The following ZFHX3 variants were observed in gnomAD, a reference collection of about 807,000 sequenced individuals.
ZFHX3 encodes the protein zinc finger homeobox 3.
Under a neutral mutation model 279.1 loss-of-function variants are expected in ZFHX3, and 42 were observed. That is an observed-to-expected ratio of 0.15 (90% CI 0.12 to 0.19). The LOEUF (loss-of-function observed/expected upper bound fraction) is 0.19. Among genes scored for constraint, ZFHX3 ranks in the 10% least tolerant of loss-of-function variants. The pLI is 1.00. For missense variants in ZFHX3, 4,981 were observed against 4,754.0 expected (o/e 1.05, Z -1.40); for synonymous variants, 2,293 against 1,957.8 (o/e 1.17, Z -4.52).
intron 2 of ZFHX3, among the ~76,000 whole-genome samples, chr16:73,638,088 TACA>T (rs1472901648): frequency 3.3e-5 from 5 of 152,182 alleles, no homozygotes; most frequent in African/African-American, 1.2e-4. Context: ...TAAATTTATA[TACA>T]ACATCCTGAG....
At chr16:73,186,085 C>A (rs1045404513) in intron 5 of ZFHX3, among the ~76,000 whole-genome samples, 1 of 152,038 alleles carries the variant, frequency 6.6e-6, no homozygotes, top group Non-Finnish European at 1.5e-5. Context: ...TCTCCCATCA[C>A]CCCCACATGG....
At chr16:73,864,860 T>G (rs188121841) in intron 1 of ZFHX3, among the ~76,000 whole-genome samples, 1 of 152,366 alleles carries the variant, frequency 6.6e-6, no homozygotes, top group East Asian at 1.9e-4. Context: ...ACATACTCAT[T>G]GCAGCTCCTG....
chr16:73,841,521 C>A (rs1181560927), intron 1 of ZFHX3, among the ~76,000 whole-genome samples: 1 of 152,100 alleles, frequency 6.6e-6, no homozygotes, highest in Non-Finnish European at 1.5e-5. Flanking sequence ...CATCTCGGAA[C>A]TGTCAACTTC....
chr16:73,018,818 TC>T (rs1004029826), intron 1 of ZFHX3, among the ~76,000 whole-genome samples: 16 of 152,118 alleles, frequency 1.1e-4, no homozygotes, highest in African/African-American at 3.9e-4. Flanking sequence ...GTGATTTTAT[TC>T]TGAAAGCTAC....
intron 5 of ZFHX3, among the ~76,000 whole-genome samples, chr16:72,825,839 C>A (rs28495101): frequency 6.6e-6 from 1 of 152,094 alleles, no homozygotes; most frequent in Non-Finnish European, 1.5e-5. Flanking sequence ...TCAGTGGTAC[C>A]AGCCACACTT....
At chr16:73,242,728 G>A (rs1167517667) in intron 5 of ZFHX3, among the ~76,000 whole-genome samples, 1 of 152,206 alleles carries the variant, frequency 6.6e-6, no homozygotes, top group Non-Finnish European at 1.5e-5. Context: ...AGACAAGAAA[G>A]CTGTGCTGGA....
At chr16:73,408,837 C>A (rs570534779) in intron 3 of ZFHX3, among the ~76,000 whole-genome samples, 68 of 152,044 alleles carry the variant, frequency 4.5e-4, no homozygotes, top group South Asian at 8.3e-4. Flanking sequence ...TGGGAGAGGA[C>A]CACAAGCGGC....
intron 3 of ZFHX3, among the ~76,000 whole-genome samples, chr16:73,436,422 G>A (rs2017999495): frequency 1.3e-5 from 2 of 152,156 alleles, no homozygotes; most frequent in African/African-American, 2.4e-5. Context: ...CAGCAGACAA[G>A]AGAGAATGAG....
Position 72,794,537 on chromosome 16 carries a change from A to G in ZFHX3, c.8145T>C (p.Phe2715=), listed in dbSNP as rs2035831261. Residue 2715 remains phenylalanine (F), a synonymous_variant, in exon 9 of 10, where the codon TTT becomes TTC. Coordinates refer to ENST00000268489, the MANE Select transcript of ZFHX3 (RefSeq NM_006885.4). The surrounding 1 kb of genome is among the most constrained non-coding windows in gnomAD (Gnocchi z 4.2). ...TCTTGGCTTTGAAGAGCGCTCTGCA[A>G]AAAGGGCATCTCCTGTGGGCCTGCG... ...GPAQAHRRCP[F]CRALFKAKTA... 6.2e-7 allele frequency: 1 copy of G among 1,614,214 alleles called. No homozygotes were observed. The highest frequency in any genetic ancestry group is 1.3e-5 in the African/African-American group (1 of 75,054).
intron 7 of ZFHX3, chr16:72,807,472 G>A (rs190854255): frequency 2.0e-4 from 31 of 152,190 alleles, no homozygotes; most frequent in Non-Finnish European, 1.9e-4. Flanking sequence ...ATAGATATGA[G>A]ATGCAGAGCA....
At chr16:73,863,923 T>C (rs1054680471) in intron 1 of ZFHX3, among the ~76,000 whole-genome samples, 2 of 152,196 alleles carry the variant, frequency 1.3e-5, no homozygotes, top group East Asian at 1.9e-4. Flanking sequence ...GATAGAAAAA[T>C]GATCACGCTC....
rs34828290 is a variant in ZFHX3 at position 73,860,984 on chromosome 16, A to ATT, written c.-1608+30665_-1608+30666dup. ...AACACTGCTTGTATATTTTTTGCAG[A>ATT]TTTTTTTTTTTTTTTTGAGACAGGA... On this transcript the variant is annotated intron_variant, in intron 1 of 17. Coordinates refer to the ZFHX3 transcript ENST00000641206. Among the ~76,000 whole-genome samples the ATT allele has an allele frequency of 2.0e-3, 278 of 140,670 alleles. 2 individuals are homozygous for ATT. Among genetic ancestry groups the ATT allele is most frequent in the African/African-American group, 6.2e-3 (237 of 38,380 alleles). 92.3% of individuals were successfully genotyped at this position (140,670 alleles called of 152,430 possible).
intron 3 of ZFHX3, among the ~76,000 whole-genome samples, chr16:72,907,420 C>T (rs1475152685): frequency 1.3e-5 from 2 of 151,978 alleles, no homozygotes; most frequent in Admixed American, 1.3e-4. Context: ...AAATTATCCT[C>T]ATCATTCTCT....
chr16:73,387,304 T>A (rs1467784515), intron 3 of ZFHX3: 2 of 152,224 alleles, frequency 1.3e-5, no homozygotes, highest in Non-Finnish European at 2.9e-5. Flanking sequence ...CATTTCATTC[T>A]GCTTTGTGAA....
At chr16:72,824,815 A>G (rs1291877853) in intron 5 of ZFHX3, among the ~76,000 whole-genome samples, 2 of 152,244 alleles carry the variant, frequency 1.3e-5, no homozygotes, top group Non-Finnish European at 2.9e-5. Context: ...TCAGTTGCTG[A>G]CACGGGGGGC....
chr16:73,509,293 A>G (rs1287240136), intron 2 of ZFHX3, among the ~76,000 whole-genome samples: 2 of 151,884 alleles, frequency 1.3e-5, no homozygotes, highest in Non-Finnish European at 2.9e-5. Context: ...CCACCTCACT[A>G]CCATGTACCC....
At chr16:73,636,347 A>C (rs1222726510) in intron 2 of ZFHX3, among the ~76,000 whole-genome samples, 1 of 152,218 alleles carries the variant, frequency 6.6e-6, no homozygotes, top group Non-Finnish European at 1.5e-5. Context: ...AAAATAAAAC[A>C]AGGATGCTTA....
chr16:73,689,302 C>A (rs1050133917), intron 1 of ZFHX3, among the ~76,000 whole-genome samples: 1 of 152,050 alleles, frequency 6.6e-6, no homozygotes. Context: ...TTTAGGAAGC[C>A]CCCAAATTTC....
In ZFHX3 at chr16:73,017,370, G is replaced by C. The variant is rs139925095; in HGVS notation, c.-50+30382C>G. On this transcript the variant is annotated intron_variant, in intron 1 of 9. Transcript: ENST00000268489. Reference sequence around the variant, plus strand: ...GTTTTGCTCTCATTCAGGGAGGTGGGTCCCAAAAAATATCCCCTGTTGGCC... The same window carrying C: ...GTTTTGCTCTCATTCAGGGAGGTGGCTCCCAAAAAATATCCCCTGTTGGCC... Among the ~76,000 whole-genome samples, 438 of 152,126 alleles carry C rather than the reference G, an allele frequency of 2.9e-3. 9 individuals are homozygous for C. Among genetic ancestry groups the C allele is most frequent in the Admixed American group, 0.024 (367 of 15,272 alleles).
Sources: allele counts gnomAD v4.1 joint callset (sites outside exome capture counted in the v4.1 genomes callset), GRCh38; gene constraint gnomAD v4.1.1; non-coding constraint Gnocchi (gnomAD v3.1); transcripts MANE v1.5; gene names NCBI Gene and HGNC (gene_info 2026-07-23, HGNC 2026-07-21).